SHROOM3: variants seen among roughly 807,000 people sequenced by gnomAD.
SHROOM3 encodes the protein protein Shroom3.
Under a neutral mutation model 138.6 loss-of-function variants are expected in SHROOM3, and 47 were observed. The observed-to-expected ratio is 0.34, with a 90% CI of 0.27 to 0.43. The LOEUF (loss-of-function observed/expected upper bound fraction) is 0.43, where lower values mean the gene tolerates loss of function less well. SHROOM3 is among the 20% of genes least tolerant of loss of function. SHROOM3 has a pLI of 1.00. For synonymous variants in SHROOM3, 1,062 were observed against 1,063.3 expected (o/e 1.00, Z 0.02); for missense variants, 2,491 against 2,596.5 (o/e 0.96, Z 0.88).
chr4:76,658,061 C>T (rs1442647644), intron 2 of SHROOM3, among the ~76,000 whole-genome samples: 1 of 152,222 alleles, frequency 6.6e-6, no homozygotes, highest in Non-Finnish European at 1.5e-5. Context: ...GATAGCAATA[C>T]CTGCTTTGTA....
chr4:76,516,157 A>G (rs1732439961), intron 1 of SHROOM3, among the ~76,000 whole-genome samples: 1 of 152,196 alleles, frequency 6.6e-6, no homozygotes, highest in African/African-American at 2.4e-5. Flanking sequence ...TTCACCCACT[A>G]TGGTTAGTGA....
chr4:76,513,427 C>A (rs1443743680), intron 1 of SHROOM3, among the ~76,000 whole-genome samples: 2 of 152,006 alleles, frequency 1.3e-5, no homozygotes, highest in African/African-American at 4.8e-5. Context: ...GATTCTCATG[C>A]CTCAGCCTCC....
chr4:76,657,860 G>A (rs1736098383), intron 2 of SHROOM3, among the ~76,000 whole-genome samples: 1 of 152,198 alleles, frequency 6.6e-6, no homozygotes. Flanking sequence ...CCCTTCCCAA[G>A]GATACATATT....
intron 1 of SHROOM3, among the ~76,000 whole-genome samples, chr4:76,468,477 T>C (rs1339225922): frequency 2.6e-5 from 4 of 152,094 alleles, no homozygotes; most frequent in Admixed American, 2.6e-4. Context: ...GGTTTTATAA[T>C]TCCCTCTTAG....
chr4:76,442,436 G>T (rs1380706079), intron 1 of SHROOM3, among the ~76,000 whole-genome samples: 1 of 129,868 alleles, frequency 7.7e-6, no homozygotes, highest in African/African-American at 2.9e-5. Context: ...TGGAGACAGA[G>T]TCTTGCTCTG....
At chr4:76,549,133 T>G (rs1274747029) in intron 1 of SHROOM3, among the ~76,000 whole-genome samples, 1 of 152,208 alleles carries the variant, frequency 6.6e-6, no homozygotes, top group African/African-American at 2.4e-5. Context: ...ACTGTTAAAC[T>G]TTTTGTAAAC....
chr4:76,708,070 C>T (rs1264515518), intron 2 of SHROOM3, among the ~76,000 whole-genome samples: 1 of 152,142 alleles, frequency 6.6e-6, no homozygotes. Context: ...TCAGGATTCT[C>T]ACACCCAGTT....
At chr4:76,770,346 AAAAAACAG>A (rs71212452) in intron 9 of SHROOM3, among the ~76,000 whole-genome samples, 4,207 of 143,196 alleles carry the variant, frequency 0.029, 159 homozygotes, top group Non-Finnish European at 0.046. Flanking sequence ...AAAAAAAAAA[AAAAAACAG>A]AAGACAAAGC....
chr4:76,478,682 G>A (rs1472198986), intron 1 of SHROOM3, among the ~76,000 whole-genome samples: 1 of 152,196 alleles, frequency 6.6e-6, no homozygotes, highest in Non-Finnish European at 1.5e-5. Context: ...CCTCCTGACT[G>A]GGAGACACCT....
intron 2 of SHROOM3, among the ~76,000 whole-genome samples, chr4:76,620,371 T>C (rs893420759): frequency 2.0e-5 from 3 of 152,126 alleles, no homozygotes; most frequent in African/African-American, 7.2e-5. Flanking sequence ...ATTATCTACA[T>C]AGAGGGTGAC....
chr4:76,688,818 TC>T, intron 2 of SHROOM3: 1 of 985,380 alleles, frequency 1.0e-6, no homozygotes, highest in Non-Finnish European at 1.2e-6. Flanking sequence ...TCTTGTCTAA[TC>T]AGAGACGATG....
At chr4:76,557,502 T>C (rs978414619) in intron 2 of SHROOM3, among the ~76,000 whole-genome samples, 1 of 152,106 alleles carries the variant, frequency 6.6e-6, no homozygotes. Context: ...GGGTACAAAC[T>C]TTTAGTTATA....
intron 2 of SHROOM3, among the ~76,000 whole-genome samples, chr4:76,635,299 T>A (rs1247530443): frequency 6.6e-6 from 1 of 152,152 alleles, no homozygotes; most frequent in Non-Finnish European, 1.5e-5. Flanking sequence ...TGATCAACCA[T>A]ATTTGGGGGA....
chr4:76,747,008 C>T (rs552495719), intron 5 of SHROOM3, among the ~76,000 whole-genome samples: 24 of 151,776 alleles, frequency 1.6e-4, no homozygotes, highest in Non-Finnish European at 2.9e-4. Context: ...TTGGTAGAGA[C>T]GGGGTTTCAC....
intron 2 of SHROOM3, among the ~76,000 whole-genome samples, chr4:76,579,325 G>A (rs1235083542): frequency 6.6e-6 from 1 of 152,102 alleles, no homozygotes; most frequent in East Asian, 1.9e-4. Flanking sequence ...AACATTAGCT[G>A]GGCGTGGTGG....
At chr4:76,713,684 T>C (rs759701348) in intron 3 of SHROOM3, among the ~76,000 whole-genome samples, 28 of 152,374 alleles carry the variant, frequency 1.8e-4, no homozygotes, top group Non-Finnish European at 3.8e-4. Flanking sequence ...GTATGTACTG[T>C]ACTTTTAGAG....
intron 9 of SHROOM3, among the ~76,000 whole-genome samples, chr4:76,760,339 C>T (rs187471554): frequency 6.6e-6 from 1 of 152,294 alleles, no homozygotes; most frequent in Non-Finnish European, 1.5e-5. Flanking sequence ...CCATGGAGAT[C>T]TAAACTGGGC....
chr4:76,722,156 A>C (rs192264802), intron 3 of SHROOM3, among the ~76,000 whole-genome samples: 15 of 152,230 alleles, frequency 9.9e-5, no homozygotes, highest in Non-Finnish European at 2.1e-4. Context: ...CATAATTTTA[A>C]AAATACATGA....
rs1577885969 is a variant in SHROOM3, at chr4:76,560,949, T to TACCCACA, written c.323+5186_323+5187insACCCACA. Among the ~76,000 whole-genome samples, 4 of 152,314 alleles carry TACCCACA rather than the reference T, an allele frequency of 2.6e-5. No individual in the cohort carries two copies. The South Asian group carries it at 8.3e-4, about 32-fold the overall frequency. ...CATGTGGGTATGGTATTTAGTACAGTTATTAAATCATGAATCTACTGAAAA... is the reference window on the plus strand; with the variant it reads ...CATGTGGGTATGGTATTTAGTACAGTACCCACATATTAAATCATGAATCTACTGAAAA... On this transcript the variant is annotated intron_variant, in intron 2 of 10. Transcript: ENST00000296043.
Sources: allele counts gnomAD v4.1 joint callset (sites outside exome capture counted in the v4.1 genomes callset), GRCh38; gene constraint gnomAD v4.1.1; transcripts MANE v1.5; gene names NCBI Gene and HGNC (gene_info 2026-07-23, HGNC 2026-07-21).